GYPC: variants seen among roughly 807,000 people sequenced by gnomAD.
The protein encoded by GYPC is glycophorin C (Gerbich blood group), also known as glycophorin-C.
A neutral mutation model predicts 12.6 loss-of-function variants in GYPC; 14 were observed. That is an observed-to-expected ratio of 1.11 (90% CI 0.74 to 1.74). The LOEUF (loss-of-function observed/expected upper bound fraction) is 1.74. Ranked by LOEUF, GYPC falls within the 40% of genes most tolerant of loss-of-function variation. The pLI is 0.00. For missense variants in GYPC, 225 were observed against 172.1 expected, an observed-to-expected ratio of 1.31 and a Z score of -1.72; for synonymous variants, 78 against 62.1, an observed-to-expected ratio of 1.26 and a Z score of -1.20.
chr2:126,671,195 G>A lies in GYPC; in HGVS notation c.49+14883G>A, dbSNP rs74830104. ...CCACTGCCCAGGCTGCTAGCGGGTAGGAGGGGCTCTTGTAGTCTTCCCCTC... is the reference window on the plus strand; with the variant it reads ...CCACTGCCCAGGCTGCTAGCGGGTAAGAGGGGCTCTTGTAGTCTTCCCCTC... On this transcript the variant is annotated intron_variant, in intron 1 of 3. Coordinates refer to ENST00000259254, the MANE Select transcript of GYPC (RefSeq NM_002101.5). Among the ~76,000 whole-genome samples the A allele has an allele frequency of 4.6e-3, 694 of 152,308 alleles. 6 individuals are homozygous for A. The highest frequency in any genetic ancestry group is 0.016 in the African/African-American group (665 of 41,574).
chr2:126,672,209 G>A (rs75655755), intron 1 of GYPC, among the ~76,000 whole-genome samples: 3,943 of 152,222 alleles, frequency 0.026, 207 homozygotes, highest in African/African-American at 0.09. Flanking sequence ...AGCCTTCAAG[G>A]CCCCTCCAGA....
intron 1 of GYPC, among the ~76,000 whole-genome samples, chr2:126,663,167 T>A (rs1682582250): frequency 2.0e-5 from 3 of 152,248 alleles, no homozygotes; most frequent in South Asian, 2.1e-4. Context: ...CCTCCCGAGT[T>A]GCTGGGATTA....
At chr2:126,675,168 C>T (rs1049692008) in intron 1 of GYPC, among the ~76,000 whole-genome samples, 4 of 152,164 alleles carry the variant, frequency 2.6e-5, no homozygotes, top group African/African-American at 4.8e-5. Flanking sequence ...ACGGACCCTT[C>T]GTCATCAGAA....
At position 126,696,514 on chromosome 2, in the gene GYPC, G is replaced by A; in HGVS notation, c.*372G>A. On this transcript the variant is annotated 3_prime_UTR_variant, in exon 4 of 4. Coordinates refer to ENST00000259254, the MANE Select transcript of GYPC (RefSeq NM_002101.5). The stretch of plus-strand genomic sequence containing the variant: ...GGGTACCCGGGGGCTGGGGAAGCAA[G>A]GAAATAAGTCATCTGTATGCTGACT... The A allele has an allele frequency of 2.9e-6, 1 of 347,172 alleles. No individual in the cohort carries two copies. Among genetic ancestry groups the A allele is most frequent in the South Asian group, 2.4e-5 (1 of 41,734 alleles). 21.5% of individuals were successfully genotyped at this position (347,172 alleles called of 1,614,324 possible).
intron 1 of GYPC, among the ~76,000 whole-genome samples, chr2:126,664,156 T>C (rs916938273): frequency 1.2e-4 from 18 of 152,170 alleles, no homozygotes; most frequent in African/African-American, 4.1e-4. Context: ...GAAATTAATT[T>C]CAGTTATGGT....
chr2:126,674,859 C>T (rs183759457), intron 1 of GYPC, among the ~76,000 whole-genome samples: 4 of 152,332 alleles, frequency 2.6e-5, no homozygotes, highest in Admixed American at 2.6e-4. Context: ...TTTTCCTCAG[C>T]TTCTGTTACT....
intron 1 of GYPC, chr2:126,686,419 TAGAG>T (rs1683290756): frequency 1.0e-6 from 1 of 985,432 alleles, no homozygotes; most frequent in South Asian, 4.7e-5. Context: ...CCTGAGGACA[TAGAG>T]AGTTAGTAGG....
intron 2 of GYPC, among the ~76,000 whole-genome samples, chr2:126,692,172 C>G (rs1198050129): frequency 2.0e-5 from 3 of 152,136 alleles, no homozygotes; most frequent in Non-Finnish European, 4.4e-5. Context: ...ACCGTGAATG[C>G]TGGATCCTAT....
At chr2:126,686,206 A>G in intron 1 of GYPC, 1 of 985,048 alleles carries the variant, frequency 1.0e-6, no homozygotes, top group South Asian at 4.7e-5. Context: ...CCTCAGGGCT[A>G]GCACCTGACC....
intron 1 of GYPC, among the ~76,000 whole-genome samples, chr2:126,673,135 C>T (rs139542029): frequency 2.2e-4 from 34 of 152,148 alleles, no homozygotes; most frequent in Middle Eastern, 3.4e-3. Flanking sequence ...GGCAAGTGAG[C>T]GAAGCCCTCC....
At chr2:126,687,797 T>G (rs1301982356) in intron 1 of GYPC, among the ~76,000 whole-genome samples, 1 of 152,200 alleles carries the variant, frequency 6.6e-6, no homozygotes, top group Non-Finnish European at 1.5e-5. Flanking sequence ...CTGGCTGCCC[T>G]GCTGGAAGTG....
intron 1 of GYPC, among the ~76,000 whole-genome samples, chr2:126,668,725 T>C (rs982692207): frequency 5.3e-5 from 8 of 152,234 alleles, no homozygotes; most frequent in Admixed American, 2.0e-4. Flanking sequence ...TAGACATCCC[T>C]GGTTCCACCA....
At chr2:126,672,678 C>A (rs891798004) in intron 1 of GYPC, among the ~76,000 whole-genome samples, 4 of 152,132 alleles carry the variant, frequency 2.6e-5, no homozygotes, top group Admixed American at 1.3e-4. Flanking sequence ...AGAGCAGCAA[C>A]CTTCTCCCCT....
At chr2:126,659,733 C>T (rs2104767146) in intron 1 of GYPC, among the ~76,000 whole-genome samples, 1 of 152,088 alleles carries the variant, frequency 6.6e-6, no homozygotes, top group East Asian at 1.9e-4. Context: ...TGGGTCTCCC[C>T]TGCACACCTG....
At chr2:126,682,291 G>A (rs1035427291) in intron 1 of GYPC, among the ~76,000 whole-genome samples, 7 of 151,914 alleles carry the variant, frequency 4.6e-5, no homozygotes, top group African/African-American at 1.7e-4. Flanking sequence ...TGGATCAGCT[G>A]GGAACACATG....
intron 1 of GYPC, among the ~76,000 whole-genome samples, chr2:126,676,740 C>G (rs1267252237): frequency 6.6e-6 from 1 of 152,118 alleles, no homozygotes; most frequent in Non-Finnish European, 1.5e-5. Context: ...TAGAAAAACA[C>G]TGGGAAGATG....
chr2:126,693,986 G>T lies in GYPC; in HGVS notation c.190+39G>T, dbSNP rs201095719. ...ACAGAGCCCTTCAAGCAGCCAGGGT[G>T]GGGGGCCTTGGTGAAAACATCCAGG... On this transcript the variant is annotated intron_variant, in intron 3 of 3. Transcript: ENST00000259254. 174 of 1,363,432 alleles carry T rather than the reference G, an allele frequency of 1.3e-4. No homozygotes were observed. The African/African-American group carries it at 2.0e-3, about 16-fold the overall frequency. 84.5% of individuals were successfully genotyped at this position (1,363,432 alleles called of 1,614,324 possible).
intron 1 of GYPC, chr2:126,678,373 T>A (rs1683066853): frequency 6.6e-6 from 1 of 152,302 alleles, no homozygotes; most frequent in African/African-American, 2.4e-5. Context: ...ATGTACAGTG[T>A]ATACACTACC....
chr2:126,665,894 C>T (rs1682664875), intron 1 of GYPC, among the ~76,000 whole-genome samples: 1 of 152,200 alleles, frequency 6.6e-6, no homozygotes, highest in African/African-American at 2.4e-5. Context: ...GCATCACTGA[C>T]ACGCTCTCTC....
Sources: allele counts gnomAD v4.1 joint callset (sites outside exome capture counted in the v4.1 genomes callset), GRCh38; gene constraint gnomAD v4.1.1; transcripts MANE v1.5; gene names NCBI Gene and HGNC (gene_info 2026-07-23, HGNC 2026-07-21).